Variants in MYPN observed in about 807,000 individuals in gnomAD.
MYPN encodes the protein sarcomeric protein myopalladin, 145 kDa (MYOP).
MYPN carries 63 observed loss-of-function variants against 129.4 expected under a neutral mutation model. The ratio of observed to expected loss-of-function variants is 0.49; its 90% CI spans 0.40 to 0.60. The LOEUF (loss-of-function observed/expected upper bound fraction) is 0.60. MYPN is among the 20% of genes least tolerant of loss of function. The probability of loss-of-function intolerance (pLI) is 0.00; values close to 1 mark genes in which losing one functional copy is unlikely to be tolerated. For synonymous variants in MYPN, 629 were observed against 600.9 expected (o/e 1.05, Z -0.68); for missense variants, 1,596 against 1,635.4 (o/e 0.98, Z 0.42).
At chr10:68,118,725 T>C (rs1029403018) in intron 1 of MYPN, among the ~76,000 whole-genome samples, 10 of 152,008 alleles carry the variant, frequency 6.6e-5, no homozygotes, top group African/African-American at 1.9e-4. Context: ...TCCCAGCTAC[T>C]TGGGAGGTTG....
In MYPN at chr10:68,210,498, G is replaced by C. The variant is rs546447610; in HGVS notation, c.*43G>C. On this transcript the variant is annotated 3_prime_UTR_variant, in exon 20 of 20. Coordinates refer to ENST00000358913, the MANE Select transcript of MYPN (RefSeq NM_032578.4). ...CTGTGTAAGAGAGCGGACTGTGGAG[G>C]GGGAATGAGAACAAGCCAGACTTGG... 6.2e-7 allele frequency: 1 copy of C among 1,610,208 alleles called. No homozygotes were observed. The highest frequency in any genetic ancestry group is 2.2e-5 in the East Asian group (1 of 44,880).
chr10:68,160,692 G>A (rs112752294), intron 7 of MYPN, among the ~76,000 whole-genome samples: 17,815 of 151,844 alleles, frequency 0.12, 1,359 homozygotes, highest in Middle Eastern at 0.17. Context: ...TGAGGCGGGC[G>A]GATCACGTGA....
intron 10 of MYPN, among the ~76,000 whole-genome samples, chr10:68,171,893 C>T (rs1397073467): frequency 6.6e-6 from 1 of 152,230 alleles, no homozygotes; most frequent in Non-Finnish European, 1.5e-5. Context: ...GAACTGGCTC[C>T]AGCACACACT....
chr10:68,105,951 G>C (rs777969739), upstream of MYPN, among the ~76,000 whole-genome samples: 18 of 152,170 alleles, frequency 1.2e-4, no homozygotes, highest in Non-Finnish European at 2.4e-4. Flanking sequence ...AGCCCTGCAG[G>C]CTAAGAACAT....
intron 8 of MYPN, among the ~76,000 whole-genome samples, chr10:68,163,751 G>T (rs571175126): frequency 6.6e-6 from 1 of 152,332 alleles, no homozygotes; most frequent in South Asian, 2.1e-4. Context: ...GGAACAAGGG[G>T]ATGCAAATGG....
intron 2 of MYPN, among the ~76,000 whole-genome samples, chr10:68,123,503 G>A (rs1315527670): frequency 6.7e-6 from 1 of 148,910 alleles, no homozygotes; most frequent in Non-Finnish European, 1.5e-5. Flanking sequence ...GGTGAAACCC[G>A]GTCTCTACTA....
intron 1 of MYPN, among the ~76,000 whole-genome samples, chr10:68,098,006 G>A (rs1013345509): frequency 1.3e-5 from 2 of 152,180 alleles, no homozygotes; most frequent in Non-Finnish European, 2.9e-5. Context: ...AGCACTTTGG[G>A]AGGCCAAGGT....
At chr10:68,179,361 T>A (rs2043278789) in intron 12 of MYPN, among the ~76,000 whole-genome samples, 1 of 152,170 alleles carries the variant, frequency 6.6e-6, no homozygotes, top group Admixed American at 6.5e-5. Flanking sequence ...CCACACAGAA[T>A]GCACCAGTCA....
At chr10:68,152,208 C>T (rs978590646) in intron 6 of MYPN, among the ~76,000 whole-genome samples, 1 of 152,138 alleles carries the variant, frequency 6.6e-6, no homozygotes, top group Non-Finnish European at 1.5e-5. Flanking sequence ...CCTCCAGGAG[C>T]AGGCTTCAGA....
chr10:68,153,856 T>C (rs771567789), intron 6 of MYPN, among the ~76,000 whole-genome samples: 6 of 152,180 alleles, frequency 3.9e-5, no homozygotes, highest in Non-Finnish European at 8.8e-5. Flanking sequence ...TGGCATTCCA[T>C]TCCCTGTGAC....
At chr10:68,104,603 G>C (rs186418901), upstream of MYPN, among the ~76,000 whole-genome samples, 3 of 152,220 alleles carry the variant, frequency 2.0e-5, no homozygotes, top group African/African-American at 7.2e-5. Context: ...ATAAAACATT[G>C]CATGTAGAGT....
rs563937453 is a variant in MYPN, at chr10:68,131,840, A to G, written c.902+9500A>G. Among the ~76,000 whole-genome samples, 271 of 152,232 alleles carry G rather than the reference A, an allele frequency of 1.8e-3. 1 individual carries two copies. Among genetic ancestry groups the G allele is most frequent in the African/African-American group, 6.2e-3 (259 of 41,550 alleles). On this transcript the variant is annotated intron_variant, in intron 2 of 19. Coordinates refer to ENST00000358913, the MANE Select transcript of MYPN (RefSeq NM_032578.4). Reference sequence around the variant, plus strand: ...GCATCATTGTTAAAAATTACTTTCTATGTTTGTTATGTAATAGAAATACAA... The same window carrying G: ...GCATCATTGTTAAAAATTACTTTCTGTGTTTGTTATGTAATAGAAATACAA...
intron 8 of MYPN, among the ~76,000 whole-genome samples, chr10:68,163,129 C>T (rs2043003202): frequency 6.6e-6 from 1 of 152,056 alleles, no homozygotes; most frequent in African/African-American, 2.4e-5. Context: ...CCTCCCACCT[C>T]TACAAAAACT....
upstream of MYPN, chr10:68,106,553 T>A (rs1361005929): frequency 5.9e-6 from 4 of 674,358 alleles, no homozygotes; most frequent in Middle Eastern, 3.8e-4. Context: ...TTTTGTTTAG[T>A]TTTTTCATCT....
At chr10:68,188,501 C>T (rs2043457421) in intron 12 of MYPN, among the ~76,000 whole-genome samples, 1 of 150,984 alleles carries the variant, frequency 6.6e-6, no homozygotes, top group South Asian at 2.1e-4. Context: ...ATGGAAAAAT[C>T]CAGTAGAGAC....
chr10:68,137,333 T>C (rs2042503240), intron 2 of MYPN, among the ~76,000 whole-genome samples: 1 of 152,206 alleles, frequency 6.6e-6, no homozygotes, highest in Non-Finnish European at 1.5e-5. Context: ...CCTTACACAG[T>C]TATGTAGTCA....
intron 10 of MYPN, among the ~76,000 whole-genome samples, chr10:68,169,181 TAAAAAAAA>T (rs59317396): frequency 0.025 from 2,256 of 91,070 alleles, 47 homozygotes; most frequent in Middle Eastern, 0.068. Flanking sequence ...CCGTCTCTAC[TAAAAAAAA>T]AAAAAAAAAA....
intron 1 of MYPN, among the ~76,000 whole-genome samples, chr10:68,099,298 C>T (rs983624758): frequency 6.6e-6 from 1 of 152,100 alleles, no homozygotes; most frequent in East Asian, 1.9e-4. Context: ...CTTAACTTTC[C>T]TATATACAAA....
chr10:68,155,038 G>A (rs545686022), intron 6 of MYPN, among the ~76,000 whole-genome samples: 5 of 151,946 alleles, frequency 3.3e-5, no homozygotes, highest in African/African-American at 7.2e-5. Context: ...AAAATTAGCC[G>A]GGCATGGTGG....
Sources: gnomAD v4.1 joint callset for allele counts (sites outside exome capture counted in the v4.1 genomes callset) on GRCh38, gnomAD v4.1.1 for gene constraint, MANE v1.5 for transcripts, NCBI Gene and HGNC (gene_info 2026-07-23, HGNC 2026-07-21) for gene names.